LRP1B: variants seen among roughly 807,000 people sequenced by gnomAD.
LRP1B encodes the protein low-density lipoprotein receptor-related protein 1B.
LRP1B carries 217 observed loss-of-function variants against 556.6 expected under a neutral mutation model. That is an observed-to-expected ratio of 0.39 (90% CI 0.35 to 0.44). LRP1B has a LOEUF of 0.44. LRP1B is among the 20% of genes least tolerant of loss of function. The pLI, the probability that LRP1B is intolerant of heterozygous loss-of-function variation, is 1.00. For synonymous variants in LRP1B, 2,047 were observed against 1,865.8 expected, an observed-to-expected ratio of 1.10 and a Z score of -2.50; for missense variants, 5,053 against 5,620.8, an observed-to-expected ratio of 0.90 and a Z score of 3.23.
chr2:142,052,921 A>G (rs1574635681), intron 1 of LRP1B, among the ~76,000 whole-genome samples: 1 of 152,290 alleles, frequency 6.6e-6, no homozygotes, highest in African/African-American at 2.4e-5. Context: ...TATACAAGTG[A>G]CCATCTGCTT....
At chr2:141,319,477 T>A (rs116835152) in intron 3 of LRP1B, among the ~76,000 whole-genome samples, 1 of 151,826 alleles carries the variant, frequency 6.6e-6, no homozygotes, top group African/African-American at 2.4e-5. Context: ...TACACTGAAG[T>A]TGAGGTGAGG....
At position 141,061,229 on chromosome 2, in the gene LRP1B, G is replaced by A. The variant is rs866843988; in HGVS notation, c.1236+822C>T. 9.2e-5 allele frequency among the ~76,000 whole-genome samples: 14 copies of A among 151,562 alleles called. 1 individual carries two copies. Among genetic ancestry groups the A allele is most frequent in the Non-Finnish European group, 3.0e-5 (2 of 67,772 alleles). On this transcript the variant is annotated intron_variant, in intron 8 of 90. Transcript: ENST00000389484. Reference sequence around the variant, plus strand: ...ATTAGTGCATCTCTTTATCTGTCAAGGAAGGAGAAAGGATTTCATTTTAAA... The same window carrying A: ...ATTAGTGCATCTCTTTATCTGTCAAAGAAGGAGAAAGGATTTCATTTTAAA...
At chr2:141,652,500 A>G (rs1195203995) in intron 2 of LRP1B, among the ~76,000 whole-genome samples, 2 of 152,160 alleles carry the variant, frequency 1.3e-5, no homozygotes, top group Admixed American at 6.5e-5. Context: ...AGCAACATTG[A>G]CAGGCTTTCT....
At chr2:140,405,747 C>T (rs1286452168) in intron 66 of LRP1B, among the ~76,000 whole-genome samples, 1 of 152,156 alleles carries the variant, frequency 6.6e-6, no homozygotes, top group Non-Finnish European at 1.5e-5. Context: ...GATGGATTCA[C>T]AGCTGAATTC....
intron 6 of LRP1B, among the ~76,000 whole-genome samples, chr2:141,200,209 T>C (rs1055507367): frequency 8.6e-5 from 13 of 151,960 alleles, no homozygotes; most frequent in Admixed American, 1.3e-4. Flanking sequence ...ATAAAGGAAA[T>C]ATAGTACATA....
chr2:140,367,974 A>C (rs746629005), intron 71 of LRP1B, among the ~76,000 whole-genome samples: 10 of 151,814 alleles, frequency 6.6e-5, no homozygotes, highest in Non-Finnish European at 1.3e-4. Flanking sequence ...GATTTATTTA[A>C]AAGAAGAGAA....
intron 47 of LRP1B, among the ~76,000 whole-genome samples, chr2:140,526,662 T>C (rs564086111): frequency 7.0e-6 from 1 of 143,336 alleles, no homozygotes; most frequent in African/African-American, 2.6e-5. Context: ...TGTGTTGATA[T>C]CATATTGCTG....
rs557414182 is a variant in LRP1B, at chr2:141,856,201, T to C, written c.83-45800A>G. Among the ~76,000 whole-genome samples the C allele has an allele frequency of 7.1e-4, 108 of 152,254 alleles. 1 individual carries two copies. The highest frequency in any genetic ancestry group is 6.0e-3 in the South Asian group (29 of 4,830). On this transcript the variant is annotated intron_variant, in intron 1 of 90. Transcript: ENST00000389484. ...AAATATATACCAAGCCTCCCAGATA[T>C]TGGCAAAAGAAAAGTATAACCTATC...
At chr2:141,952,359 A>G (rs1033493998) in intron 1 of LRP1B, among the ~76,000 whole-genome samples, 1 of 152,258 alleles carries the variant, frequency 6.6e-6, no homozygotes, top group Admixed American at 6.5e-5. Context: ...TCCTTTGGGT[A>G]TATACCCAGT....
rs550511350 is a variant in LRP1B at position 140,348,879 on chromosome 2, C to A, written c.11892+1918G>T. Among the ~76,000 whole-genome samples, 331 of 152,132 alleles carry A rather than the reference C, an allele frequency of 2.2e-3. 3 individuals carry two copies. Among genetic ancestry groups the A allele is most frequent in the Middle Eastern group, 6.8e-3 (2 of 294 alleles). On this transcript the variant is annotated intron_variant, in intron 77 of 90. Coordinates refer to ENST00000389484, the MANE Select transcript of LRP1B (RefSeq NM_018557.3). ...GAATTCTGTTCACTAGAACAGCGGT[C>A]CCCAACCTTTCTGGCACCAGGGACC...
At chr2:141,193,262 A>G (rs1010251559) in intron 6 of LRP1B, among the ~76,000 whole-genome samples, 1 of 152,016 alleles carries the variant, frequency 6.6e-6, no homozygotes, top group Admixed American at 6.6e-5. Context: ...AAATCATTCT[A>G]TGATAAAGAC....
chr2:140,695,057 A>G (rs11901574), intron 41 of LRP1B, among the ~76,000 whole-genome samples: 35,546 of 149,088 alleles, frequency 0.24, 5,254 homozygotes, highest in African/African-American at 0.42. Context: ...TATCATTTTC[A>G]TTTTCATTCA....
intron 1 of LRP1B, among the ~76,000 whole-genome samples, chr2:141,986,025 G>T (rs1254988134): frequency 6.6e-6 from 1 of 151,954 alleles, no homozygotes; most frequent in African/African-American, 2.4e-5. Flanking sequence ...ATTAGAGAAT[G>T]ATGGAGATTA....
intron 2 of LRP1B, among the ~76,000 whole-genome samples, chr2:141,624,546 T>C (rs936333446): frequency 1.3e-5 from 2 of 152,118 alleles, no homozygotes; most frequent in African/African-American, 4.8e-5. Context: ...GCAAATACAT[T>C]TCCCTGTTTA....
At chr2:141,589,305 A>T (rs1047731613) in intron 2 of LRP1B, among the ~76,000 whole-genome samples, 16 of 152,208 alleles carry the variant, frequency 1.1e-4, no homozygotes, top group Admixed American at 9.8e-4. Context: ...TTAAAATAAC[A>T]CTTCCATAGC....
chr2:141,053,114 T>G (rs887753208), intron 10 of LRP1B, among the ~76,000 whole-genome samples: 5 of 152,040 alleles, frequency 3.3e-5, no homozygotes, highest in African/African-American at 1.2e-4. Context: ...AATACCTACT[T>G]AAGTTTCTCT....
chr2:140,757,456 CA>C (rs1322659320), intron 35 of LRP1B, among the ~76,000 whole-genome samples: 2 of 151,964 alleles, frequency 1.3e-5, no homozygotes, highest in Non-Finnish European at 2.9e-5. Context: ...GATTATTTGG[CA>C]AAAAAAGCAA....
intron 1 of LRP1B, among the ~76,000 whole-genome samples, chr2:141,967,798 A>G (rs964387326): frequency 2.6e-5 from 4 of 151,850 alleles, no homozygotes; most frequent in Admixed American, 2.0e-4. Flanking sequence ...TATAGAAATG[A>G]TATTTACTAT....
intron 35 of LRP1B, among the ~76,000 whole-genome samples, chr2:140,727,927 G>C (rs1420335692): frequency 6.6e-6 from 1 of 151,876 alleles, no homozygotes; most frequent in Non-Finnish European, 1.5e-5. Context: ...AATGCTAATG[G>C]ACAATTTTCT....
Sources: gnomAD v4.1 joint callset for allele counts (sites outside exome capture counted in the v4.1 genomes callset) on GRCh38, gnomAD v4.1.1 for gene constraint, MANE v1.5 for transcripts, NCBI Gene and HGNC (gene_info 2026-07-23, HGNC 2026-07-21) for gene names.